Variants in PRKCQ observed in about 807,000 individuals in gnomAD.
PRKCQ encodes the protein protein kinase C theta type.
A neutral mutation model predicts 91.2 loss-of-function variants in PRKCQ; 41 were observed. The observed-to-expected ratio is 0.45, with a 90% confidence interval of 0.35 to 0.58. PRKCQ has a LOEUF of 0.58. PRKCQ is among the 20% of genes least tolerant of loss of function. The probability of loss-of-function intolerance (pLI) is 0.00; values close to 1 mark genes in which losing one functional copy is unlikely to be tolerated. For missense variants in PRKCQ, 673 were observed against 896.5 expected, an observed-to-expected ratio of 0.75 and a Z score of 3.18; for synonymous variants, 307 against 316.9, an observed-to-expected ratio of 0.97 and a Z score of 0.33.
chr10:6,570,924 G>A (rs575072535), intron 1 of PRKCQ, among the ~76,000 whole-genome samples: 12 of 152,256 alleles, frequency 7.9e-5, no homozygotes, highest in South Asian at 2.1e-4. Context: ...AAAGTGAGGC[G>A]TGCAGCCCTG....
intron 7 of PRKCQ, among the ~76,000 whole-genome samples, chr10:6,492,566 C>T (rs1486877524): frequency 6.6e-6 from 1 of 152,182 alleles, no homozygotes; most frequent in Non-Finnish European, 1.5e-5. Context: ...ATAAGCTTGG[C>T]AGTCAGAATC....
At chr10:6,534,205 T>C (rs1202321402) in intron 1 of PRKCQ, among the ~76,000 whole-genome samples, 1 of 152,216 alleles carries the variant, frequency 6.6e-6, no homozygotes, top group Non-Finnish European at 1.5e-5. Context: ...AGTTCCATTT[T>C]ACTAGAAATA....
the PRKCQ span, among the ~76,000 whole-genome samples, chr10:6,404,255 G>GGAGAGAGAGAGA: frequency 0.064 from 2,203 of 34,330 alleles, 345 homozygotes; most frequent in Middle Eastern, 0.18. Context: ...GAAGGGGGGG[G>GGAGAGAGAGAGA]GAGAGAGAGA....
chr10:6,575,496 G>A (rs180810084), intron 1 of PRKCQ, among the ~76,000 whole-genome samples: 44 of 152,042 alleles, frequency 2.9e-4, no homozygotes, highest in Non-Finnish European at 5.1e-4. Context: ...CCTACCTACC[G>A]GGACATTCTG....
the PRKCQ span, among the ~76,000 whole-genome samples, chr10:6,404,575 CTT>C: frequency 3.5e-5 from 3 of 84,970 alleles, no homozygotes; most frequent in Admixed American, 1.4e-4. Context: ...CCTTCTTTCT[CTT>C]TCTTTCTTTC....
Position 6,522,180 on chromosome 10 carries a change from G to T in PRKCQ, c.-9-7036C>A, listed in dbSNP as rs138706657. The stretch of plus-strand genomic sequence containing the variant: ...TGGTCTTGAACTCCTGACCTCAGGT[G>T]ATCCATCCGCCTTGGCCTCCCAAAG... On this transcript the variant is annotated intron_variant, in intron 1 of 17. Coordinates refer to ENST00000263125, the MANE Select transcript of PRKCQ (RefSeq NM_006257.5). Among the ~76,000 whole-genome samples the T allele has an allele frequency of 9.5e-3, 1,445 of 152,226 alleles. 19 individuals are homozygous for T. Among genetic ancestry groups the T allele is most frequent in the African/African-American group, 0.033 (1,356 of 41,540 alleles).
chr10:6,483,131 C>A (rs1285617168), intron 11 of PRKCQ, among the ~76,000 whole-genome samples: 1 of 152,166 alleles, frequency 6.6e-6, no homozygotes. Flanking sequence ...AACACAAACA[C>A]CGTGTGAAAC....
At chr10:6,446,352 G>A (rs893480983) in intron 15 of PRKCQ, among the ~76,000 whole-genome samples, 1 of 136,354 alleles carries the variant, frequency 7.3e-6, no homozygotes. Flanking sequence ...GTCACACTAT[G>A]CTCAGTTTTT....
intron 9 of PRKCQ, 40 bp downstream of exon 9, chr10:6,485,995 G>A (rs1321105386): frequency 1.3e-6 from 2 of 1,534,150 alleles, no homozygotes; most frequent in Non-Finnish European, 1.8e-6. Context: ...TCCTTGCTGA[G>A]CGGCCATGGC....
rs1305157787 is a variant in PRKCQ at position 6,492,675 on chromosome 10, A to AT, written c.661-864dup. 3.9e-5 allele frequency among the ~76,000 whole-genome samples: 6 copies of AT among 152,280 alleles called. No homozygotes were observed. The East Asian group carries it at 9.6e-4, about 24-fold the overall frequency. On this transcript the variant is annotated intron_variant, in intron 7 of 17. Coordinates refer to ENST00000263125, the MANE Select transcript of PRKCQ (RefSeq NM_006257.5). ...GAGGGATGCTAGTGATCGACATGGA[A>AT]TTTTTTTAAAAAACAGTTTTCCAGA...
chr10:6,519,175 G>C (rs1838899931), intron 1 of PRKCQ, among the ~76,000 whole-genome samples: 3 of 152,290 alleles, frequency 2.0e-5, no homozygotes, highest in African/African-American at 7.2e-5. Flanking sequence ...CAGATAGTAG[G>C]GGGAAGGGGA....
the PRKCQ span, among the ~76,000 whole-genome samples, chr10:6,412,542 CA>C: frequency 6.6e-6 from 1 of 152,060 alleles, no homozygotes; most frequent in Non-Finnish European, 1.5e-5. Flanking sequence ...GATGTTAGAA[CA>C]AACAGCTCAA....
intron 8 of PRKCQ, chr10:6,489,634 G>T: frequency 2.6e-6 from 1 of 378,670 alleles, no homozygotes. Flanking sequence ...GGTGAGCGGA[G>T]CAGGCGGGGT....
intron 11 of PRKCQ, 39 bp downstream of exon 11, chr10:6,483,401 T>C: frequency 1.2e-6 from 2 of 1,612,594 alleles, no homozygotes; most frequent in South Asian, 2.2e-5. Context: ...CATCAGTTCC[T>C]GGAGTTGGGC....
chr10:6,570,570 T>TC (rs1841005189), intron 1 of PRKCQ, among the ~76,000 whole-genome samples: 1 of 146,178 alleles, frequency 6.8e-6, no homozygotes, highest in Admixed American at 6.8e-5. Flanking sequence ...TTTTTTTTTT[T>TC]CTAAGACAGA....
At chr10:6,557,479 C>A (rs1021817576) in intron 1 of PRKCQ, among the ~76,000 whole-genome samples, 4 of 152,164 alleles carry the variant, frequency 2.6e-5, no homozygotes, top group African/African-American at 9.7e-5. Flanking sequence ...TGCTCTCCTT[C>A]CCTCTCAGCT....
chr10:6,489,741 G>C (rs1173973919), intron 8 of PRKCQ, among the ~76,000 whole-genome samples: 2 of 152,038 alleles, frequency 1.3e-5, no homozygotes, highest in Admixed American at 6.5e-5. Context: ...AAAAGAAAAA[G>C]GGGAGGGGAG....
chr10:6,544,982 C>T lies in PRKCQ; in HGVS notation c.-9-29838G>A, dbSNP rs1370282276. 2.2e-4 allele frequency among the ~76,000 whole-genome samples: 13 copies of T among 58,308 alleles called. No homozygotes were observed. In the East Asian group the frequency reaches 0.014, roughly 62 times the overall value. The allele number at this position is 58,308 out of a possible 152,430, so 38.3% of individuals were successfully genotyped here. On this transcript the variant is annotated intron_variant, in intron 1 of 17. Transcript: ENST00000263125. ...GACAAAGTCTGCTATTATTTCCTTTCTGTTTTTTTTTTTTTTAATCTATAG... is the reference window on the plus strand; with the variant it reads ...GACAAAGTCTGCTATTATTTCCTTTTTGTTTTTTTTTTTTTTAATCTATAG...
rs368322154 is a variant in PRKCQ, at chr10:6,468,976, A to G, written c.1354-4572T>C. ...TTTAAAATTAAATGAAAGAATTCAT[A>G]TAAAGTATTTAGCCCTGTGCCTGGC... On this transcript the variant is annotated intron_variant, in intron 12 of 17. Coordinates refer to ENST00000263125, the MANE Select transcript of PRKCQ (RefSeq NM_006257.5). Among the ~76,000 whole-genome samples the G allele has an allele frequency of 3.3e-5, 5 of 152,388 alleles. No homozygotes were observed. The East Asian group carries it at 5.8e-4, about 18-fold the overall frequency.
Sources: gnomAD v4.1 joint callset for allele counts (sites outside exome capture counted in the v4.1 genomes callset) on GRCh38, gnomAD v4.1.1 for gene constraint, MANE v1.5 for transcripts, NCBI Gene and HGNC (gene_info 2026-07-23, HGNC 2026-07-21) for gene names.